The following ARHGAP15 variants were observed in gnomAD, a reference collection of about 807,000 sequenced individuals.
ARHGAP15 encodes the protein rho GTPase-activating protein 15.
In ARHGAP15, 51 loss-of-function variants were observed where a neutral mutation model predicts 63.7. The ratio of observed to expected loss-of-function variants is 0.80; its 90% CI spans 0.64 to 1.01. ARHGAP15 has a LOEUF of 1.01. Among genes scored for constraint, ARHGAP15 ranks in the 50% least tolerant of loss-of-function variants. ARHGAP15 has a pLI of 0.00. For synonymous variants in ARHGAP15, 191 were observed against 193.8 expected, an observed-to-expected ratio of 0.99 and a Z score of 0.12; for missense variants, 560 against 564.6, an observed-to-expected ratio of 0.99 and a Z score of 0.08.
intron 6 of ARHGAP15, among the ~76,000 whole-genome samples, chr2:143,422,476 G>A (rs978073103): frequency 6.6e-6 from 1 of 152,140 alleles, no homozygotes; most frequent in Non-Finnish European, 1.5e-5. Context: ...ATATTGGAAG[G>A]AAGTGTGTCT....
chr2:143,340,695 C>T (rs1574302310), intron 6 of ARHGAP15, among the ~76,000 whole-genome samples: 1 of 152,036 alleles, frequency 6.6e-6, no homozygotes, highest in Admixed American at 6.6e-5. Flanking sequence ...ATTCTCATAA[C>T]AAAGGCCACC....
chr2:143,392,035 C>CA (rs893082395), intron 6 of ARHGAP15, among the ~76,000 whole-genome samples: 3 of 151,632 alleles, frequency 2.0e-5, no homozygotes, highest in Non-Finnish European at 2.9e-5. Flanking sequence ...ACAAAAAAAA[C>CA]AAAAAAAGGT....
At chr2:143,150,693 G>A (rs1054207794) in intron 1 of ARHGAP15, among the ~76,000 whole-genome samples, 1 of 151,990 alleles carries the variant, frequency 6.6e-6, no homozygotes, top group African/African-American at 2.4e-5. Flanking sequence ...AAATGAGCCA[G>A]TTCTTCAATA....
intron 6 of ARHGAP15, among the ~76,000 whole-genome samples, chr2:143,280,881 C>T (rs1401584077): frequency 6.6e-6 from 1 of 152,036 alleles, no homozygotes; most frequent in Admixed American, 6.6e-5. Context: ...AAGAAAGTAT[C>T]TATAGTTTTA....
At chr2:143,490,337 A>T (rs754174763) in intron 9 of ARHGAP15, among the ~76,000 whole-genome samples, 1 of 152,038 alleles carries the variant, frequency 6.6e-6, no homozygotes, top group African/African-American at 2.4e-5. Context: ...CTTTCACGTA[A>T]TTCACCAGTA....
intron 2 of ARHGAP15, among the ~76,000 whole-genome samples, chr2:143,177,465 AAAGTTTTGAC>A (rs67295076): frequency 0.31 from 46,364 of 151,990 alleles, 7,308 homozygotes; most frequent in South Asian, 0.47. Flanking sequence ...ACATCCACTA[AAAGTTTTGAC>A]AACAGAAAAG....
chr2:143,529,025 T>C (rs1015263496), intron 10 of ARHGAP15, among the ~76,000 whole-genome samples: 4 of 152,156 alleles, frequency 2.6e-5, no homozygotes, highest in Non-Finnish European at 5.9e-5. Flanking sequence ...TCAGAGCTCC[T>C]ATATGCAAAT....
intron 6 of ARHGAP15, among the ~76,000 whole-genome samples, chr2:143,308,107 G>C (rs1009988509): frequency 1.3e-5 from 2 of 152,134 alleles, no homozygotes; most frequent in Non-Finnish European, 2.9e-5. Flanking sequence ...AAGCTATGCT[G>C]TTAGGTCTTT....
intron 2 of ARHGAP15, among the ~76,000 whole-genome samples, chr2:143,163,390 T>G (rs1263715229): frequency 3.3e-5 from 5 of 151,574 alleles, no homozygotes; most frequent in Admixed American, 1.3e-4. Flanking sequence ...ACACATTTCT[T>G]TATTTATATA....
intron 5 of ARHGAP15, chr2:143,237,249 G>A (rs555687669): frequency 2.0e-5 from 3 of 152,026 alleles, no homozygotes; most frequent in African/African-American, 7.2e-5. Context: ...TAAATTATCC[G>A]AGAGACATGT....
Position 143,413,966 on chromosome 2 carries a change from T to TGTGC in ARHGAP15, c.475-21634_475-21633insTGCG. 3.9e-3 allele frequency among the ~76,000 whole-genome samples: 456 copies of TGTGC among 117,890 alleles called. 3 individuals are homozygous for TGTGC. Among genetic ancestry groups the TGTGC allele is most frequent in the East Asian group, 0.017 (65 of 3,894 alleles). The allele number at this position is 117,890 out of a possible 152,430, so 77.3% of individuals were successfully genotyped here. Reference sequence around the variant, plus strand: ...GTGTGTGTGTGTGTGTGTGTGTGTGTGCGCGCTCTCTGGCAGAAAGTTAAT... The same window carrying TGTGC: ...GTGTGTGTGTGTGTGTGTGTGTGTGTGTGCGCGCGCTCTCTGGCAGAAAGTTAAT... On this transcript the variant is annotated intron_variant, in intron 6 of 13. Coordinates refer to ENST00000295095, the MANE Select transcript of ARHGAP15 (RefSeq NM_018460.4).
rs1681652405 is a variant in ARHGAP15, at chr2:143,659,733, TAGA to T, written c.1138+35470_1138+35472del. Among the ~76,000 whole-genome samples, 4 of 152,340 alleles carry T rather than the reference TAGA, an allele frequency of 2.6e-5. No homozygotes were observed. In the South Asian group the frequency reaches 8.3e-4, roughly 32 times the overall value. Reference sequence around the variant, plus strand: ...GGTAATACAGGCCCTTTTAAAAATTTAGAAGACTTCTGGTTTGTTTCTAGTCTA... The same window carrying T: ...GGTAATACAGGCCCTTTTAAAAATTTAGACTTCTGGTTTGTTTCTAGTCTA... On this transcript the variant is annotated intron_variant, in intron 12 of 13. Coordinates refer to ENST00000295095, the MANE Select transcript of ARHGAP15 (RefSeq NM_018460.4).
intron 6 of ARHGAP15, among the ~76,000 whole-genome samples, chr2:143,272,448 A>T (rs1244153195): frequency 6.6e-6 from 1 of 152,020 alleles, no homozygotes; most frequent in Non-Finnish European, 1.5e-5. Flanking sequence ...TAGCCAACAC[A>T]GTTGAAACCC....
intron 6 of ARHGAP15, among the ~76,000 whole-genome samples, chr2:143,397,127 A>G (rs1024650078): frequency 6.6e-6 from 1 of 152,140 alleles, no homozygotes; most frequent in Admixed American, 6.6e-5. Flanking sequence ...CTATGTACAG[A>G]TGGAAGTAGA....
At chr2:143,539,911 C>A (rs1694966447) in intron 10 of ARHGAP15, among the ~76,000 whole-genome samples, 1 of 152,148 alleles carries the variant, frequency 6.6e-6, no homozygotes, top group South Asian at 2.1e-4. Context: ...TGGTGCAGAG[C>A]TGAGTTCAAT....
At chr2:143,319,078 C>A (rs980035152) in intron 6 of ARHGAP15, among the ~76,000 whole-genome samples, 16 of 152,034 alleles carry the variant, frequency 1.1e-4, no homozygotes, top group African/African-American at 3.9e-4. Flanking sequence ...TCATTTTAGC[C>A]ATCTGTCTCC....
chr2:143,444,650 C>A (rs981669822), intron 8 of ARHGAP15, among the ~76,000 whole-genome samples: 1 of 151,974 alleles, frequency 6.6e-6, no homozygotes, highest in Non-Finnish European at 1.5e-5. Flanking sequence ...ATTTGGATGT[C>A]CCAAATAGGC....
chr2:143,467,242 C>CTTTTTTTTTTTTTTTTTTTTTT (rs202115707), intron 8 of ARHGAP15, among the ~76,000 whole-genome samples: 47 of 57,914 alleles, frequency 8.1e-4, no homozygotes, highest in Admixed American at 1.3e-3. Context: ...ACTCCATGGC[C>CTTTTTTTTTTTTTTTTTTTTTT]TTTTTTTTTT....
intron 13 of ARHGAP15, among the ~76,000 whole-genome samples, chr2:143,757,777 T>G (rs536163291): frequency 6.6e-6 from 1 of 152,208 alleles, no homozygotes; most frequent in East Asian, 1.9e-4. Flanking sequence ...AAATCTAAAA[T>G]CATTTTTAAA....
Sources: gnomAD v4.1 joint callset for allele counts (sites outside exome capture counted in the v4.1 genomes callset) on GRCh38, gnomAD v4.1.1 for gene constraint, MANE v1.5 for transcripts, NCBI Gene and HGNC (gene_info 2026-07-23, HGNC 2026-07-21) for gene names.